MALRD1: variants seen among roughly 807,000 people sequenced by gnomAD.
MALRD1 encodes the protein MAM and LDL receptor class A domain containing 1.
In MALRD1, 247 loss-of-function variants were observed where a neutral mutation model predicts 242.1. The observed-to-expected ratio is 1.02, with a 90% confidence interval of 0.92 to 1.13. The LOEUF (loss-of-function observed/expected upper bound fraction) is 1.13, where lower values mean the gene tolerates loss of function less well. Ranked by LOEUF, MALRD1 falls within the 50% of genes most tolerant of loss-of-function variation. The probability of loss-of-function intolerance (pLI) is 0.00; values close to 1 mark genes in which losing one functional copy is unlikely to be tolerated. For synonymous variants in MALRD1, 995 were observed against 866.6 expected (o/e 1.15, Z -2.60); for missense variants, 2,989 against 2,533.1 (o/e 1.18, Z -3.86).
intron 31 of MALRD1, among the ~76,000 whole-genome samples, chr10:19,516,926 G>T (rs763513315): frequency 6.6e-6 from 1 of 152,064 alleles, no homozygotes; most frequent in African/African-American, 2.4e-5. Context: ...ACTGTAGTCT[G>T]CCTAAACCAA....
At chr10:19,074,665 A>C (rs1229867568) in intron 2 of MALRD1, among the ~76,000 whole-genome samples, 2 of 152,128 alleles carry the variant, frequency 1.3e-5, no homozygotes, top group Non-Finnish European at 2.9e-5. Context: ...TCAAGCTGTC[A>C]GATATCTTAG....
intron 2 of MALRD1, among the ~76,000 whole-genome samples, chr10:19,078,877 C>T (rs1027750191): frequency 3.4e-4 from 52 of 151,766 alleles, no homozygotes; most frequent in Admixed American, 9.9e-4. Context: ...GTTCACTCTT[C>T]ATTTTAGTAA....
chr10:19,329,526 A>T (rs1843274871), intron 23 of MALRD1, among the ~76,000 whole-genome samples: 1 of 152,090 alleles, frequency 6.6e-6, no homozygotes, highest in South Asian at 2.1e-4. Context: ...TAAAATATTT[A>T]CTCATTTTGC....
intron 24 of MALRD1, among the ~76,000 whole-genome samples, chr10:19,341,516 G>GTATA (rs1215371249): frequency 3.0e-5 from 4 of 133,116 alleles, no homozygotes; most frequent in Non-Finnish European, 3.2e-5. Flanking sequence ...ATATATGTGT[G>GTATA]TATATATGTA....
Position 19,607,771 on chromosome 10 carries a change from T to C in MALRD1, c.5945-6T>C, listed in dbSNP as rs1460219846. ...ATCCCTGATCATTATTCTTTTTTTTTTGCAGCCAACAAAAGCTGTTCTAAT... is the reference window on the plus strand; with the variant it reads ...ATCCCTGATCATTATTCTTTTTTTTCTGCAGCCAACAAAAGCTGTTCTAAT... On this transcript the variant is annotated splice_polypyrimidine_tract_variant and splice_region_variant and intron_variant, in intron 34 of 39. Transcript: ENST00000454679. 3.9e-6 allele frequency: 6 copies of C among 1,545,022 alleles called. No individual in the cohort carries two copies. Among genetic ancestry groups the C allele is most frequent in the Non-Finnish European group, 5.2e-6 (6 of 1,145,038 alleles).
At chr10:19,621,599 AAC>A (rs1839405404) in intron 36 of MALRD1, among the ~76,000 whole-genome samples, 1 of 151,678 alleles carries the variant, frequency 6.6e-6, no homozygotes, top group Non-Finnish European at 1.5e-5. Context: ...GAAGAAAAAG[AAC>A]ATGCATATGA....
intron 31 of MALRD1, among the ~76,000 whole-genome samples, chr10:19,517,646 A>G (rs1430871143): frequency 6.6e-6 from 1 of 152,136 alleles, no homozygotes; most frequent in Non-Finnish European, 1.5e-5. Context: ...ATGACCTACA[A>G]TTTTATGTAG....
At chr10:19,138,567 T>C (rs1387497748) in intron 10 of MALRD1, among the ~76,000 whole-genome samples, 2 of 151,862 alleles carry the variant, frequency 1.3e-5, no homozygotes, top group African/African-American at 4.8e-5. Flanking sequence ...ATTACAAGCA[T>C]GTGCCACCAT....
At chr10:19,236,874 G>A (rs1838343847) in intron 18 of MALRD1, among the ~76,000 whole-genome samples, 1 of 151,900 alleles carries the variant, frequency 6.6e-6, no homozygotes, top group African/African-American at 2.4e-5. Flanking sequence ...AAATTGAGAG[G>A]ATCTACAAAT....
At chr10:19,243,038 T>C (rs989137571) in intron 18 of MALRD1, among the ~76,000 whole-genome samples, 10 of 151,482 alleles carry the variant, frequency 6.6e-5, no homozygotes, top group Non-Finnish European at 1.2e-4. Context: ...TGGTTTTCTG[T>C]GGTGCTAAGC....
intron 31 of MALRD1, among the ~76,000 whole-genome samples, chr10:19,503,139 T>G (rs187229042): frequency 1.3e-5 from 2 of 152,336 alleles, no homozygotes; most frequent in Non-Finnish European, 2.9e-5. Flanking sequence ...CAGAGTGCTC[T>G]CTTCAAAGCA....
chr10:19,128,259 C>T lies in MALRD1; in HGVS notation c.982C>T (p.Leu328Phe). ...VWVGAKHGFT[L>F]NHLDSRAYLN... ...GGTAGGCGCTAAGCATGGTTTCACT[C>T]TTAACCATTTAGACAGCAGGGCTTA... The change falls in exon 8 of 40, where the codon CTT (leucine) becomes TTT (phenylalanine). Residue 328 changes from leucine to phenylalanine, a missense_variant. Coordinates refer to ENST00000454679, the MANE Select transcript of MALRD1 (RefSeq NM_001142308.3). 8.1e-7 allele frequency: 1 copy of T among 1,233,526 alleles called. No homozygotes were observed. The highest frequency in any genetic ancestry group is 1.0e-6 in the Non-Finnish European group (1 of 987,870). The allele number at this position is 1,233,526 out of a possible 1,614,324, so 76.4% of individuals were successfully genotyped here.
In MALRD1 at chr10:19,556,603, A is replaced by T. The variant is rs146445325; in HGVS notation, c.5479-10899A>T. 4.9e-3 allele frequency among the ~76,000 whole-genome samples: 744 copies of T among 152,184 alleles called. 8 individuals carry two copies. Among genetic ancestry groups the T allele is most frequent in the African/African-American group, 0.017 (703 of 41,526 alleles). On this transcript the variant is annotated intron_variant, in intron 32 of 39. Coordinates refer to ENST00000454679, the MANE Select transcript of MALRD1 (RefSeq NM_001142308.3). The stretch of plus-strand genomic sequence containing the variant: ...CTTTTCATGGCTTGATACCTCATTT[A>T]CTTATTGCAGAATAAGATTCCATAC...
At chr10:19,138,440 G>GACAGAGTCTTGCTGA (rs1462452348) in intron 10 of MALRD1, among the ~76,000 whole-genome samples, 1 of 141,642 alleles carries the variant, frequency 7.1e-6, no homozygotes, top group Admixed American at 7.0e-5. Context: ...TTTTTTTTGG[G>GACAGAGTCTTGCTGA]GACAGAGTCT....
intron 12 of MALRD1, among the ~76,000 whole-genome samples, chr10:19,161,549 GC>G (rs1834409967): frequency 5.2e-4 from 6 of 11,510 alleles, no homozygotes; most frequent in South Asian, 2.9e-3. Flanking sequence ...GAAAAAAAAA[GC>G]AAAAAAAAAA....
intron 19 of MALRD1, among the ~76,000 whole-genome samples, chr10:19,266,150 T>TG (rs1839966376): frequency 6.6e-6 from 1 of 151,050 alleles, no homozygotes; most frequent in East Asian, 1.9e-4. Context: ...TGGATATTGT[T>TG]TTTTTTTTAT....
chr10:19,196,896 C>T (rs1836286210), intron 14 of MALRD1, among the ~76,000 whole-genome samples: 2 of 152,130 alleles, frequency 1.3e-5, no homozygotes, highest in African/African-American at 4.8e-5. Flanking sequence ...AAAGTATCTC[C>T]ACAATGGCTA....
At chr10:19,492,187 G>A (rs1040017311) in intron 30 of MALRD1, among the ~76,000 whole-genome samples, 21 of 151,902 alleles carry the variant, frequency 1.4e-4, no homozygotes, top group Non-Finnish European at 2.6e-4. Flanking sequence ...ATAAAACTAA[G>A]TATATAATTT....
chr10:19,506,766 G>T (rs186307535), intron 31 of MALRD1, among the ~76,000 whole-genome samples: 2 of 152,248 alleles, frequency 1.3e-5, no homozygotes, highest in East Asian at 3.9e-4. Flanking sequence ...AGTATTTAAA[G>T]ATGGTGCAAT....
Sources: allele counts gnomAD v4.1 joint callset (sites outside exome capture counted in the v4.1 genomes callset), GRCh38; gene constraint gnomAD v4.1.1; transcripts MANE v1.5; gene names NCBI Gene and HGNC (gene_info 2026-07-23, HGNC 2026-07-21).